Variants in REV1 observed in about 807,000 individuals in gnomAD.
The protein encoded by REV1 is REV1 DNA directed polymerase, also known as translesion synthesis protein REV1.
A neutral mutation model predicts 137.4 loss-of-function variants in REV1; 42 were observed. The observed-to-expected ratio is 0.31, with a 90% CI of 0.24 to 0.40. The LOEUF is 0.40. Ranked by LOEUF, REV1 falls within the 10% of genes least tolerant of loss-of-function variation. The probability of loss-of-function intolerance (pLI) is 1.00; values close to 1 mark genes in which losing one functional copy is unlikely to be tolerated. For missense variants in REV1, 1,282 were observed against 1,490.1 expected (o/e 0.86, Z 2.30); for synonymous variants, 524 against 519.2 (o/e 1.01, Z -0.12).
chr2:99,421,706 G>A (rs1559316925), intron 10 of REV1, 53 bp from the exon 11 acceptor site: 1 of 1,551,334 alleles, frequency 6.4e-7, no homozygotes, highest in Non-Finnish European at 8.7e-7. Context: ...CCATCTGGTA[G>A]ACCCAATGTT....
At chr2:99,420,428 G>A (rs773045081) in intron 11 of REV1, among the ~76,000 whole-genome samples, 48 of 152,210 alleles carry the variant, frequency 3.2e-4, no homozygotes, top group Non-Finnish European at 6.0e-4. Flanking sequence ...ATAGCCCAGA[G>A]CCCACCAGAA....
chr2:99,465,760 A>C (rs1684722749), intron 1 of REV1, among the ~76,000 whole-genome samples: 2 of 152,232 alleles, frequency 1.3e-5, no homozygotes, highest in Non-Finnish European at 2.9e-5. Context: ...ACTTCTATTA[A>C]GATAATTTTC....
chr2:99,423,818 A>T (rs1451243), intron 10 of REV1, among the ~76,000 whole-genome samples: 93,669 of 152,028 alleles, frequency 0.62, 29,621 homozygotes, highest in African/African-American at 0.74. Context: ...TAAAAGAGAA[A>T]AACCAGGTTA....
At chr2:99,480,476 G>T (rs982049773) in intron 1 of REV1, among the ~76,000 whole-genome samples, 2 of 152,184 alleles carry the variant, frequency 1.3e-5, no homozygotes, top group Non-Finnish European at 1.5e-5. Context: ...ACCTTACTTT[G>T]TAAGTTTTAA....
chr2:99,402,185 A>G (rs1353554968), intron 22 of REV1, 59 bp downstream of exon 22: 4 of 699,158 alleles, frequency 5.7e-6, no homozygotes, highest in Non-Finnish European at 7.4e-6. Flanking sequence ...AACTCAGTAC[A>G]CCCTCAGCCA....
At chr2:99,480,940 A>T (rs1686544146) in intron 1 of REV1, among the ~76,000 whole-genome samples, 1 of 152,232 alleles carries the variant, frequency 6.6e-6, no homozygotes, top group Non-Finnish European at 1.5e-5. Context: ...AGCACACTAT[A>T]ATCTCTGAGG....
chr2:99,443,780 A>G (rs940051470), intron 4 of REV1, among the ~76,000 whole-genome samples: 7 of 152,234 alleles, frequency 4.6e-5, no homozygotes, highest in African/African-American at 1.7e-4. Context: ...TTACATTCAA[A>G]TATTAGAATC....
At position 99,402,732 on chromosome 2, in the gene REV1, A is replaced by C; in HGVS notation, c.3453T>G (p.Cys1151Trp). 6.2e-7 allele frequency: 1 copy of C among 1,614,126 alleles called. No homozygotes were observed. The highest frequency in any genetic ancestry group is 8.5e-7 in the Non-Finnish European group (1 of 1,179,970). ...LSSLQSDPAG[C>W]VRPPAPNLAG... ...CTAGATTGGGTGCTGGAGGTCTCAC[A>C]CAGCCAGCTGGGTCAGACTGCAAAC... is the stretch of plus-strand genomic sequence containing the variant. The change falls in exon 21 of 23, where the codon TGT becomes TGG. Residue 1151 changes from cysteine (C) to tryptophan (W), a missense_variant. Cys to Trp is a radical substitution (Grantham distance 215). Around this residue, in one of 7 missense-constraint regions of REV1, gnomAD observed 170 missense variants for 156.8 expected, o/e 1.08. Transcript: ENST00000258428.
intron 1 of REV1, among the ~76,000 whole-genome samples, chr2:99,478,660 A>C: frequency 6.6e-6 from 1 of 152,222 alleles, no homozygotes; most frequent in East Asian, 1.9e-4. Flanking sequence ...CTGAAGAATA[A>C]AGGAAATAAT....
chr2:99,466,306 G>A (rs1211254452), intron 1 of REV1, among the ~76,000 whole-genome samples: 7 of 148,694 alleles, frequency 4.7e-5, no homozygotes, highest in African/African-American at 1.2e-4. Context: ...GCAGTGGCAC[G>A]ATCTCGGCTC....
At chr2:99,475,601 C>T (rs990419852) in intron 1 of REV1, among the ~76,000 whole-genome samples, 3 of 152,074 alleles carry the variant, frequency 2.0e-5, no homozygotes, top group Non-Finnish European at 4.4e-5. Context: ...CATGATTCTG[C>T]GCTTGAACCC....
chr2:99,449,398 G>C lies in REV1; in HGVS notation c.288C>G (p.Pro96=). The change falls in exon 4 of 23, where the codon CCC becomes CCG. Residue 96 remains proline (P), a synonymous_variant. Coordinates refer to ENST00000258428, the MANE Select transcript of REV1 (RefSeq NM_016316.4). Reference sequence around the variant, plus strand: ...CCTTTAATTCTTTAATTTTGGCATTGGGAAGATTTGTGGCAATAATATGTG... The same window carrying C: ...CCTTTAATTCTTTAATTTTGGCATTCGGAAGATTTGTGGCAATAATATGTG... The part of the protein sequence containing the change: ...KTTHIIATNL[P]NAKIKELKGE... The C allele has an allele frequency of 6.4e-7, 1 of 1,572,342 alleles. No individual in the cohort carries two copies. Among genetic ancestry groups the C allele is most frequent in the African/African-American group, 1.4e-5 (1 of 73,054 alleles).
At chr2:99,468,296 A>G (rs1020611070) in intron 1 of REV1, among the ~76,000 whole-genome samples, 2 of 152,206 alleles carry the variant, frequency 1.3e-5, no homozygotes, top group Non-Finnish European at 2.9e-5. Flanking sequence ...ACATCCAGGG[A>G]AAAGTTCTCC....
At chr2:99,482,459 A>G (rs1686705664) in intron 1 of REV1, among the ~76,000 whole-genome samples, 3 of 152,236 alleles carry the variant, frequency 2.0e-5, no homozygotes, top group African/African-American at 4.8e-5. Flanking sequence ...CAGAGTGTGG[A>G]TAACCTGCAA....
At chr2:99,464,876 T>C (rs1341364318) in intron 2 of REV1, 46 bp downstream of exon 2, 2 of 1,552,110 alleles carry the variant, frequency 1.3e-6, no homozygotes, top group African/African-American at 2.7e-5. Flanking sequence ...GAATGAAAAA[T>C]AACTAGACAG....
rs896178639 is a variant in REV1 at position 99,400,487 on chromosome 2, CTA to C, written c.*752_*753del. ...ATATCCACTAGCATAGAATTTTAAACTATTTTTATTTTAAAGTTATGGCATAA... is the reference window on the plus strand; with the variant it reads ...ATATCCACTAGCATAGAATTTTAAACTTTTTATTTTAAAGTTATGGCATAA... On this transcript the variant is annotated 3_prime_UTR_variant, in exon 23 of 23. Transcript: ENST00000258428. The C allele has an allele frequency of 3.3e-5, 5 of 152,120 alleles. No individual in the cohort carries two copies. The East Asian group carries it at 5.8e-4, about 18-fold the overall frequency. 9.4% of individuals were successfully genotyped at this position (152,120 alleles called of 1,614,324 possible). A position where few individuals can be genotyped will look rare whatever the true frequency, so the allele number is the denominator to read the frequency against.
intron 9 of REV1, among the ~76,000 whole-genome samples, chr2:99,428,466 C>A (rs963078299): frequency 6.6e-6 from 1 of 152,154 alleles, no homozygotes; most frequent in African/African-American, 2.4e-5. Context: ...AAACATAATT[C>A]TGTTAATGAG....
chr2:99,463,884 A>G (rs1684513880), intron 2 of REV1, among the ~76,000 whole-genome samples: 1 of 152,174 alleles, frequency 6.6e-6, no homozygotes, highest in Non-Finnish European at 1.5e-5. Flanking sequence ...TGAGCCTCCC[A>G]AAGTGCTGGG....
At position 99,454,579 on chromosome 2, in the gene REV1, A is replaced by C. The variant is rs13395095; in HGVS notation, c.182-5075T>G. 3.4e-5 allele frequency among the ~76,000 whole-genome samples: 5 copies of C among 147,466 alleles called. 2 individuals are homozygous for C. The highest frequency in any genetic ancestry group is 4.3e-4 in the South Asian group (2 of 4,598). The stretch of plus-strand genomic sequence containing the variant: ...AAAAAAAAAAAAAAAAAAAAAAAAA[A>C]AAAAAAAAAAAACCCAAAAATTACG... On this transcript the variant is annotated intron_variant, in intron 3 of 22. Transcript: ENST00000258428.
Sources: allele counts gnomAD v4.1 joint callset (sites outside exome capture counted in the v4.1 genomes callset), GRCh38; gene constraint gnomAD v4.1.1; regional missense constraint gnomAD v4.1.1; transcripts MANE v1.5; gene names NCBI Gene and HGNC (gene_info 2026-07-23, HGNC 2026-07-21).